The following EIF4H variants were observed in gnomAD, a reference collection of about 807,000 sequenced individuals.
The protein encoded by EIF4H is Williams-Beuren syndrome chromosome region 1.
A neutral mutation model predicts 30.6 loss-of-function variants in EIF4H; 8 were observed. That is an observed-to-expected ratio of 0.26 (90% CI 0.15 to 0.47). The LOEUF (loss-of-function observed/expected upper bound fraction) is 0.47. EIF4H is among the 20% of genes least tolerant of loss of function. The pLI is 0.99. For synonymous variants in EIF4H, 106 were observed against 122.7 expected (o/e 0.86, Z 0.90); for missense variants, 188 against 339.5 (o/e 0.55, Z 3.51).
At chr7:74,187,943 A>C (rs1238897131) in intron 2 of EIF4H, 145 bp downstream of exon 2, 7 of 936,164 alleles carry the variant, frequency 7.5e-6, no homozygotes, top group Non-Finnish European at 9.2e-6. Flanking sequence ...GGCCGAAAGA[A>C]ACATAACTCT....
intron 1 of EIF4H, 58 bp downstream of exon 1, chr7:74,174,500 G>A: frequency 1.6e-6 from 2 of 1,279,186 alleles, no homozygotes; most frequent in Non-Finnish European, 2.0e-6. Context: ...AGTCGGGGCC[G>A]TCAGGGTGGC....
intron 3 of EIF4H, 39 bp downstream of exon 3, chr7:74,189,776 A>G (rs1563953145): frequency 6.2e-7 from 1 of 1,614,060 alleles, no homozygotes; most frequent in East Asian, 2.2e-5. Context: ...AGCAGTTGAG[A>G]TTGTTTTCTT....
At chr7:74,194,708 GA>G in intron 5 of EIF4H, 32 bp from the exon 6 acceptor site, 4 of 1,535,592 alleles carry the variant, frequency 2.6e-6, no homozygotes, top group Non-Finnish European at 3.5e-6. Flanking sequence ...ACGATAGTTT[GA>G]AAAGTAATTC....
intron 1 of EIF4H, 37 bp downstream of exon 1, chr7:74,174,479 G>A (rs1257043592): frequency 1.5e-6 from 2 of 1,364,658 alleles, no homozygotes; most frequent in Non-Finnish European, 9.6e-7. Context: ...CGGGGGCTGC[G>A]GGACCGGCGG....
chr7:74,183,280 T>G (rs964245306), intron 1 of EIF4H, among the ~76,000 whole-genome samples: 13 of 152,204 alleles, frequency 8.5e-5, no homozygotes, highest in African/African-American at 3.1e-4. Flanking sequence ...GCAGGGAGTT[T>G]GCAGCACAGA....
chr7:74,178,708 G>T (rs1002623847), intron 1 of EIF4H, among the ~76,000 whole-genome samples: 1 of 152,092 alleles, frequency 6.6e-6, no homozygotes, highest in African/African-American at 2.4e-5. Flanking sequence ...AGTATTTGTC[G>T]CCTGGTTGCT....
intron 1 of EIF4H, among the ~76,000 whole-genome samples, chr7:74,174,739 G>A (rs1044601710): frequency 3.3e-5 from 5 of 152,260 alleles, no homozygotes; most frequent in Admixed American, 6.5e-5. Flanking sequence ...CCGGAGACGA[G>A]CGCCCGCTTC....
At chr7:74,178,286 A>G (rs1246742203) in intron 1 of EIF4H, among the ~76,000 whole-genome samples, 4 of 152,174 alleles carry the variant, frequency 2.6e-5, no homozygotes, top group African/African-American at 9.6e-5. Flanking sequence ...GCAGTGGTTC[A>G]TGCCTGTTAT....
intron 2 of EIF4H, among the ~76,000 whole-genome samples, chr7:74,189,014 G>A (rs760696125): frequency 1.3e-5 from 2 of 152,110 alleles, no homozygotes; most frequent in Non-Finnish European, 2.9e-5. Flanking sequence ...CACAGGGCAA[G>A]GACGCTGGGG....
chr7:74,186,788 A>AT (rs564794579), intron 1 of EIF4H, among the ~76,000 whole-genome samples: 9 of 70,114 alleles, frequency 1.3e-4, no homozygotes, highest in African/African-American at 2.9e-4. Context: ...ACAAGGAGAA[A>AT]TTTTTTTTTT....
At chr7:74,185,591 A>AATC (rs1182736944) in intron 1 of EIF4H, among the ~76,000 whole-genome samples, 3 of 152,126 alleles carry the variant, frequency 2.0e-5, no homozygotes, top group Admixed American at 2.0e-4. Flanking sequence ...ACCATCAAAG[A>AATC]ATCATCACAG....
intron 1 of EIF4H, among the ~76,000 whole-genome samples, chr7:74,174,807 C>T (rs1457573137): frequency 6.6e-6 from 1 of 152,256 alleles, no homozygotes; most frequent in Non-Finnish European, 1.5e-5. Flanking sequence ...CGCTGGGGTA[C>T]GGGCCACACG....
At chr7:74,188,306 C>T (rs917438808) in intron 2 of EIF4H, among the ~76,000 whole-genome samples, 1 of 152,084 alleles carries the variant, frequency 6.6e-6, no homozygotes, top group South Asian at 2.1e-4. Flanking sequence ...GTCTATAGGT[C>T]GTGTGTCTGC....
Position 74,197,065 on chromosome 7 carries a change from A to G in EIF4H, c.*1757A>G, listed in dbSNP as rs1554710876. On this transcript the variant is annotated 3_prime_UTR_variant, in exon 7 of 7. Coordinates refer to ENST00000265753, the MANE Select transcript of EIF4H (RefSeq NM_022170.2). ...CTATGGATATGGTATTTTGTGAATG[A>G]TCTTTTAAATAAAAGAAAACCTTAC... The G allele has an allele frequency of 6.6e-6, 1 of 152,600 alleles. No homozygotes were observed. The highest frequency in any genetic ancestry group is 1.5e-5 in the Non-Finnish European group (1 of 68,044). The allele number at this position is 152,600 out of a possible 1,614,324, so 9.5% of individuals were successfully genotyped here.
chr7:74,180,422 G>A (rs1374770493), intron 1 of EIF4H, among the ~76,000 whole-genome samples: 4 of 152,142 alleles, frequency 2.6e-5, no homozygotes, highest in East Asian at 1.9e-4. Context: ...AGTGGGTCAC[G>A]ATTCATTTTT....
chr7:74,188,354 C>T (rs1404212699), intron 2 of EIF4H, among the ~76,000 whole-genome samples: 1 of 152,168 alleles, frequency 6.6e-6, no homozygotes, highest in Non-Finnish European at 1.5e-5. Flanking sequence ...AGAAGGGATC[C>T]GAGCAGCATT....
chr7:74,190,032 G>A (rs1359690615), intron 4 of EIF4H, 114 bp downstream of exon 4: 6 of 1,289,546 alleles, frequency 4.7e-6, no homozygotes, highest in African/African-American at 4.5e-5. Flanking sequence ...ATAGGTTCTC[G>A]TGAGCTCTTA....
chr7:74,194,618 C>A, intron 5 of EIF4H, 123 bp from the exon 6 acceptor site: 1 of 1,364,468 alleles, frequency 7.3e-7, no homozygotes, highest in East Asian at 2.5e-5. Context: ...TTTGGAGAGA[C>A]TTCAGATAGT....
Position 74,187,596 on chromosome 7 carries a change from T to G in EIF4H, c.60-15T>G. 1.3e-6 allele frequency: 2 copies of G among 1,552,542 alleles called. No individual in the cohort carries two copies. The highest frequency in any genetic ancestry group is 1.7e-6 in the Non-Finnish European group (2 of 1,145,532). ...ACTCTGGGCACACTTGAATCCTGTT[T>G]GTCTCCCCTCCTAGGTCCCGCGGCA... On this transcript the variant is annotated splice_polypyrimidine_tract_variant and intron_variant, in intron 1 of 6. Transcript: ENST00000265753.
Sources: allele counts gnomAD v4.1 joint callset (sites outside exome capture counted in the v4.1 genomes callset), GRCh38; gene constraint gnomAD v4.1.1; transcripts MANE v1.5; gene names NCBI Gene and HGNC (gene_info 2026-07-23, HGNC 2026-07-21).